CSNK1D: variants seen among roughly 807,000 people sequenced by gnomAD.
CSNK1D encodes the protein casein kinase 1 delta.
A neutral mutation model predicts 46.6 loss-of-function variants in CSNK1D; 16 were observed. The ratio of observed to expected loss-of-function variants is 0.34; its 90% CI spans 0.23 to 0.52. The LOEUF (loss-of-function observed/expected upper bound fraction) is 0.52, where lower values mean the gene tolerates loss of function less well. CSNK1D is among the 20% of genes least tolerant of loss of function. The probability of loss-of-function intolerance (pLI) is 0.95; values close to 1 mark genes in which losing one functional copy is unlikely to be tolerated. For synonymous variants in CSNK1D, 276 were observed against 228.2 expected (o/e 1.21, Z -1.89); for missense variants, 398 against 578.4 (o/e 0.69, Z 3.20).
rs868810278 is a variant in CSNK1D, at chr17:82,244,089, G to A, written c.*692C>T. ...AGCAGGCATGTCAATTACGGGAGGA[G>A]GGAGGGTGAGACGCCAAAATCAGGT... On this transcript the variant is annotated 3_prime_UTR_variant, in exon 9 of 9. Coordinates refer to ENST00000314028, the MANE Select transcript of CSNK1D (RefSeq NM_001893.6). 53 of 990,394 alleles carry A rather than the reference G, an allele frequency of 5.4e-5. No homozygotes were observed. The Middle Eastern group carries it at 2.6e-3, about 49-fold the overall frequency. The allele number at this position is 990,394 out of a possible 1,614,324, so 61.4% of individuals were successfully genotyped here. A position where few individuals can be genotyped will look rare whatever the true frequency, so the allele number is the denominator to read the frequency against.
intron 1 of CSNK1D, among the ~76,000 whole-genome samples, chr17:82,272,781 C>T (rs539611577): frequency 6.6e-6 from 1 of 152,234 alleles, no homozygotes; most frequent in South Asian, 2.1e-4. Flanking sequence ...AGCCAGACAG[C>T]CCCGGACCGG....
chr17:82,242,909 C>T lies in CSNK1D; in HGVS notation c.*1872G>A. On this transcript the variant is annotated 3_prime_UTR_variant, in exon 9 of 9. Transcript: ENST00000314028. Reference sequence around the variant, plus strand: ...CGGGCGCAGAGCTGCCTCGCACAAACGTTCTGGGCACTACATCGGGACCAC... The same window carrying T: ...CGGGCGCAGAGCTGCCTCGCACAAATGTTCTGGGCACTACATCGGGACCAC... 1.0e-6 allele frequency: 1 copy of T among 985,450 alleles called. No homozygotes were observed. The highest frequency in any genetic ancestry group is 1.2e-6 in the Non-Finnish European group (1 of 829,934). The allele number at this position is 985,450 out of a possible 1,614,324, so 61.0% of individuals were successfully genotyped here. A position where few individuals can be genotyped will look rare whatever the true frequency, so the allele number is the denominator to read the frequency against.
chr17:82,255,725 T>G lies in CSNK1D; in HGVS notation c.188-148A>C. 1.0e-6 allele frequency: 1 copy of G among 966,926 alleles called. No individual in the cohort carries two copies. The highest frequency in any genetic ancestry group is 1.6e-6 in the Non-Finnish European group (1 of 615,026). 59.9% of individuals were successfully genotyped at this position (966,926 alleles called of 1,614,324 possible). A position where few individuals can be genotyped will look rare whatever the true frequency, so the allele number is the denominator to read the frequency against. The stretch of plus-strand genomic sequence containing the variant: ...TAGAAGACCCCGGCAACGCCGCTCC[T>G]CAGGGACCCATCCTCGAGATTAGGC... On this transcript the variant is annotated intron_variant, in intron 2 of 8. Transcript: ENST00000314028. This position sits in a 1 kb window ranked among gnomAD's most constrained non-coding sequence, Gnocchi z 5.9.
Position 82,244,081 on chromosome 17 carries a change from C to T in CSNK1D, c.*700G>A, listed in dbSNP as rs768310429. 1.5e-4 allele frequency: 150 copies of T among 990,162 alleles called. No individual in the cohort carries two copies. Among genetic ancestry groups the T allele is most frequent in the Non-Finnish European group, 1.7e-4 (144 of 832,658 alleles). The allele number at this position is 990,162 out of a possible 1,614,324, so 61.3% of individuals were successfully genotyped here. Reference sequence around the variant, plus strand: ...TTCCTGACAGCAGGCATGTCAATTACGGGAGGAGGGAGGGTGAGACGCCAA... The same window carrying T: ...TTCCTGACAGCAGGCATGTCAATTATGGGAGGAGGGAGGGTGAGACGCCAA... On this transcript the variant is annotated 3_prime_UTR_variant, in exon 9 of 9. Coordinates refer to ENST00000314028, the MANE Select transcript of CSNK1D (RefSeq NM_001893.6).
chr17:82,246,845 G>A, intron 8 of CSNK1D: 1 of 986,426 alleles, frequency 1.0e-6, no homozygotes, highest in Non-Finnish European at 1.2e-6. Flanking sequence ...CCGGGGATGA[G>A]TCACTGCCCA....
rs943231881 is a variant in CSNK1D at position 82,243,213 on chromosome 17, C to G, written c.*1568G>C. On this transcript the variant is annotated 3_prime_UTR_variant, in exon 9 of 9. Coordinates refer to ENST00000314028, the MANE Select transcript of CSNK1D (RefSeq NM_001893.6). ...TGGTGGGGGGGTGAACAACTGTGTT[C>G]TGGGACGCCAGCCAGTTATGGCATC... 6 of 985,512 alleles carry G rather than the reference C, an allele frequency of 6.1e-6. No individual in the cohort carries two copies. Among genetic ancestry groups the G allele is most frequent in the African/African-American group, 5.2e-5 (3 of 57,242 alleles). The allele number at this position is 985,512 out of a possible 1,614,324, so 61.0% of individuals were successfully genotyped here.
chr17:82,255,221 C>G lies in CSNK1D; in HGVS notation c.336+208G>C. 1 of 648,854 alleles carries G rather than the reference C, an allele frequency of 1.5e-6. No homozygotes were observed. The highest frequency in any genetic ancestry group is 2.7e-6 in the Non-Finnish European group (1 of 366,192). The allele number at this position is 648,854 out of a possible 1,614,324, so 40.2% of individuals were successfully genotyped here. A position where few individuals can be genotyped will look rare whatever the true frequency, so the allele number is the denominator to read the frequency against. On this transcript the variant is annotated intron_variant, in intron 3 of 8. Transcript: ENST00000314028. This position sits in a 1 kb window ranked among gnomAD's most constrained non-coding sequence, Gnocchi z 5.9. ...AGCCTCGAGAAGCCAGTGAGCTGGGCCGCCGGAGCCTCGAGAAGCCAGTGA... is the reference window on the plus strand; with the variant it reads ...AGCCTCGAGAAGCCAGTGAGCTGGGGCGCCGGAGCCTCGAGAAGCCAGTGA...
chr17:82,242,289 C>G (rs1328454681), downstream of CSNK1D, among the ~76,000 whole-genome samples: 4 of 152,060 alleles, frequency 2.6e-5, no homozygotes, highest in Non-Finnish European at 5.9e-5. Flanking sequence ...TTCAACAGCT[C>G]AAGCGACAGG....
intron 2 of CSNK1D, among the ~76,000 whole-genome samples, chr17:82,257,696 G>A (rs555004137): frequency 3.3e-5 from 5 of 152,296 alleles, no homozygotes; most frequent in African/African-American, 1.2e-4. Flanking sequence ...AAGCACAAAC[G>A]CCAGACTGAA....
rs1448557316 is a variant in CSNK1D at position 82,252,420 on chromosome 17, C to T, written c.736+14G>A. On this transcript the variant is annotated intron_variant, in intron 5 of 8. Transcript: ENST00000314028. This position sits in a 1 kb window ranked among gnomAD's most constrained non-coding sequence, Gnocchi z 4.6. ...GTGAGCAGCTCCGCTGAGAAGAGGC[C>T]TCCAGAGACTTACAAGGGTAGCCTT... 1.2e-6 allele frequency: 2 copies of T among 1,614,120 alleles called. No homozygotes were observed. The highest frequency in any genetic ancestry group is 1.7e-4 in the Middle Eastern group (1 of 6,034).
chr17:82,252,362 C>T lies in CSNK1D; in HGVS notation c.736+72G>A, dbSNP rs574160179. On this transcript the variant is annotated intron_variant, in intron 5 of 8. Coordinates refer to ENST00000314028, the MANE Select transcript of CSNK1D (RefSeq NM_001893.6). The surrounding 1 kb of genome is among the most constrained non-coding windows in gnomAD (Gnocchi z 4.6). ...TCTTCTGACAAAACCCAGACTGAGC[C>T]GTCTCGGCACACCCGACACATATGC... is the stretch of plus-strand genomic sequence containing the variant. 6.4e-6 allele frequency: 10 copies of T among 1,552,856 alleles called. No homozygotes were observed. The highest frequency in any genetic ancestry group is 2.2e-5 in the East Asian group (1 of 44,632).
intron 1 of CSNK1D, among the ~76,000 whole-genome samples, chr17:82,268,270 C>T (rs1599620442): frequency 6.6e-6 from 1 of 152,232 alleles, no homozygotes; most frequent in African/African-American, 2.4e-5. Context: ...GCCTCAAGGT[C>T]GCTGAGCACT....
chr17:82,241,925 T>G (rs1349589965), downstream of CSNK1D, among the ~76,000 whole-genome samples: 1 of 152,136 alleles, frequency 6.6e-6, no homozygotes, highest in Non-Finnish European at 1.5e-5. Flanking sequence ...TACACCGTTC[T>G]TAGAGCAACC....
chr17:82,239,099 G>A (rs537637817), downstream of CSNK1D: 25 of 949,824 alleles, frequency 2.6e-5, no homozygotes, highest in East Asian at 5.4e-5. Context: ...CCGGCCCAGC[G>A]GATCGTCGCC....
Position 82,255,268 on chromosome 17 carries a change from G to A in CSNK1D, c.336+161C>T, listed in dbSNP as rs2147184758. The stretch of plus-strand genomic sequence containing the variant: ...GTGAGCGGAGCCACCGGAGCCTCGA[G>A]AAGCCAGTGAGCTGAGCCACTGCAG... On this transcript the variant is annotated intron_variant, in intron 3 of 8. Coordinates refer to ENST00000314028, the MANE Select transcript of CSNK1D (RefSeq NM_001893.6). The surrounding 1 kb of genome is among the most constrained non-coding windows in gnomAD (Gnocchi z 5.9). 7 of 862,058 alleles carry A rather than the reference G, an allele frequency of 8.1e-6. No homozygotes were observed. Among genetic ancestry groups the A allele is most frequent in the Middle Eastern group, 2.5e-4 (1 of 3,970 alleles). 53.4% of individuals were successfully genotyped at this position (862,058 alleles called of 1,614,324 possible). A position where few individuals can be genotyped will look rare whatever the true frequency, so the allele number is the denominator to read the frequency against.
At position 82,251,713 on chromosome 17, in the gene CSNK1D, G is replaced by C. The variant is rs571558376; in HGVS notation, c.737-186C>G. 2.4e-5 allele frequency: 17 copies of C among 703,006 alleles called. No individual in the cohort carries two copies. In the East Asian group the frequency reaches 4.5e-4, roughly 19 times the overall value. 43.5% of individuals were successfully genotyped at this position (703,006 alleles called of 1,614,324 possible). A position where few individuals can be genotyped will look rare whatever the true frequency, so the allele number is the denominator to read the frequency against. ...ATCGAAAAGTATTCAAGTCACGGCC[G>C]GGTGCGGCGGCTCACGCCTGTCACC... is the stretch of plus-strand genomic sequence containing the variant. On this transcript the variant is annotated intron_variant, in intron 5 of 8. Transcript: ENST00000314028. The surrounding 1 kb of genome is among the most constrained non-coding windows in gnomAD (Gnocchi z 4.5).
downstream of CSNK1D, among the ~76,000 whole-genome samples, chr17:82,240,932 G>C (rs1326765240): frequency 6.6e-6 from 1 of 152,216 alleles, no homozygotes; most frequent in Non-Finnish European, 1.5e-5. Flanking sequence ...ACAGGCAGGA[G>C]TGAAGGGGAA....
Position 82,242,932 on chromosome 17 carries a change from C to T in CSNK1D, c.*1849G>A, listed in dbSNP as rs1158037842. On this transcript the variant is annotated 3_prime_UTR_variant, in exon 9 of 9. Transcript: ENST00000314028. ...AACGTTCTGGGCACTACATCGGGAC[C>T]ACAGATATTTACAAAGCAAGCTTGC... 14 of 985,328 alleles carry T rather than the reference C, an allele frequency of 1.4e-5. No individual in the cohort carries two copies. Among genetic ancestry groups the T allele is most frequent in the Non-Finnish European group, 1.7e-5 (14 of 829,944 alleles). 61.0% of individuals were successfully genotyped at this position (985,328 alleles called of 1,614,324 possible). A position where few individuals can be genotyped will look rare whatever the true frequency, so the allele number is the denominator to read the frequency against.
Position 82,248,431 on chromosome 17 carries a change from C to G in CSNK1D, c.1197+444G>C. 1 of 1,021,678 alleles carries G rather than the reference C, an allele frequency of 9.8e-7. No homozygotes were observed. Among genetic ancestry groups the G allele is most frequent in the Non-Finnish European group, 1.2e-6 (1 of 849,876 alleles). 63.3% of individuals were successfully genotyped at this position (1,021,678 alleles called of 1,614,324 possible). On this transcript the variant is annotated intron_variant, in intron 8 of 8. Coordinates refer to ENST00000314028, the MANE Select transcript of CSNK1D (RefSeq NM_001893.6). The surrounding 1 kb of genome is among the most constrained non-coding windows in gnomAD (Gnocchi z 4.1). ...CAGGGCATGCCACCAGGGAGGGTCT[C>G]ACAAGAAGCCCGTGGAGGTCCCTAC... is the stretch of plus-strand genomic sequence containing the variant.
Sources: gnomAD v4.1 joint callset for allele counts (sites outside exome capture counted in the v4.1 genomes callset) on GRCh38, gnomAD v4.1.1 for gene constraint, Gnocchi (gnomAD v3.1) non-coding constraint, MANE v1.5 for transcripts, NCBI Gene and HGNC (gene_info 2026-07-23, HGNC 2026-07-21) for gene names.